The following TRIM3 variants were observed in gnomAD, a reference collection of about 807,000 sequenced individuals.
TRIM3 encodes the protein tripartite motif containing 3.
TRIM3 carries 13 observed loss-of-function variants against 66.6 expected under a neutral mutation model. The observed-to-expected ratio is 0.20, with a 90% CI of 0.13 to 0.31. The LOEUF (loss-of-function observed/expected upper bound fraction) is 0.31, where lower values mean the gene tolerates loss of function less well. Among genes scored for constraint, TRIM3 ranks in the 10% least tolerant of loss-of-function variants. The pLI, the probability that TRIM3 is intolerant of heterozygous loss-of-function variation, is 1.00. For synonymous variants in TRIM3, 406 were observed against 411.7 expected, an observed-to-expected ratio of 0.99 and a Z score of 0.17; for missense variants, 711 against 1,020.4, an observed-to-expected ratio of 0.70 and a Z score of 4.13.
Position 6,458,314 on chromosome 11 carries a change from T to C in TRIM3, c.132-18A>G. Reference sequence around the variant, plus strand: ...GGAGACATCTGTCCAGGAAGGAGAGTCAAAGAACAGAGTGGGTGGGGTGGC... The same window carrying C: ...GGAGACATCTGTCCAGGAAGGAGAGCCAAAGAACAGAGTGGGTGGGGTGGC... On this transcript the variant is annotated intron_variant, in intron 2 of 11. Transcript: ENST00000345851. This position sits in a 1 kb window ranked among gnomAD's most constrained non-coding sequence, Gnocchi z 6.2. 1 of 1,599,484 alleles carries C rather than the reference T, an allele frequency of 6.3e-7. No individual in the cohort carries two copies. Among genetic ancestry groups the C allele is most frequent in the African/African-American group, 1.3e-5 (1 of 74,682 alleles).
In TRIM3 at chr11:6,456,271, C is replaced by G. The variant is rs755797035; in HGVS notation, c.1429+26G>C. The G allele has an allele frequency of 4.0e-5, 64 of 1,584,222 alleles. No homozygotes were observed. The highest frequency in any genetic ancestry group is 5.2e-5 in the Non-Finnish European group (60 of 1,162,394). ...CACCCACTACCTGAGCCTGGCCCATCTGGCTCTGCCCTCGGCTGTCTGTAC... is the reference window on the plus strand; with the variant it reads ...CACCCACTACCTGAGCCTGGCCCATGTGGCTCTGCCCTCGGCTGTCTGTAC... On this transcript the variant is annotated intron_variant, in intron 6 of 11. Transcript: ENST00000345851. This position sits in a 1 kb window ranked among gnomAD's most constrained non-coding sequence, Gnocchi z 6.4.
intron 2 of TRIM3, among the ~76,000 whole-genome samples, chr11:6,464,724 C>T (rs555339946): frequency 7.9e-5 from 12 of 152,200 alleles, no homozygotes; most frequent in South Asian, 6.2e-4. Context: ...CGGTAGCTCA[C>T]GCCTGTAATC....
rs375500679 is a variant in TRIM3, at chr11:6,449,189, G to C, written c.2083-9C>G. The C allele has an allele frequency of 3.5e-5, 57 of 1,613,776 alleles. No homozygotes were observed. In the African/African-American group the frequency reaches 6.7e-4, roughly 19 times the overall value. On this transcript the variant is annotated splice_polypyrimidine_tract_variant and intron_variant, in intron 11 of 11. Transcript: ENST00000345851. This position sits in a 1 kb window ranked among gnomAD's most constrained non-coding sequence, Gnocchi z 5.3. ...CCAGAGCTGTCGAATACCTGGGGAA[G>C]GAGTGCAGAAAGGAGGGAGAGGCAA... is the stretch of plus-strand genomic sequence containing the variant.
Position 6,450,919 on chromosome 11 carries a change from G to A in TRIM3, c.1843C>T (p.Arg615Cys), listed in dbSNP as rs542445243. Residue 615 changes from arginine (R) to cysteine (C), a missense_variant, in exon 9 of 12, where the codon CGT (arginine) becomes TGT (cysteine). Physicochemically the swap from Arg to Cys is radical, Grantham distance 180. This residue lies in a region of TRIM3 where 163 missense variants were observed against 321.9 expected (regional missense o/e 0.51). Transcript: ENST00000345851. This position sits in a 1 kb window ranked among gnomAD's most constrained non-coding sequence, Gnocchi z 4.8. ...GCAAAGTGGCGGTCAGTGGCCCCAC[G>A]GCCCCCAAAACGGCCAACCAGTTTG... ...NGKLVGRFGGRGATDRHFAGP... is the reference protein window; with the variant it reads ...NGKLVGRFGGCGATDRHFAGP... 18 of 1,614,136 alleles carry A rather than the reference G, an allele frequency of 1.1e-5. No homozygotes were observed. Among genetic ancestry groups the A allele is most frequent in the East Asian group, 2.2e-5 (1 of 44,876 alleles).
Position 6,457,416 on chromosome 11 carries a change from C to G in TRIM3, c.576G>C (p.Glu192Asp). Reference protein sequence around the residue: ...LVGGISQQLQERKAEALAQIS... With the variant: ...LVGGISQQLQDRKAEALAQIS... ...TCTGGGCCAGGGCCTCTGCCTTGCGCTCCTGCAGCTGCTGGCTGATGCCCC... is the reference window on the plus strand; with the variant it reads ...TCTGGGCCAGGGCCTCTGCCTTGCGGTCCTGCAGCTGCTGGCTGATGCCCC... The change falls in exon 5 of 12, where the codon GAG becomes GAC. Residue 192 changes from glutamate (E) to aspartate (D), a missense_variant. By Grantham distance (45) the Glu-to-Asp change is conservative. Around this residue, in one of 3 missense-constraint regions of TRIM3, gnomAD observed 399 missense variants for 458.1 expected, o/e 0.87. Coordinates refer to ENST00000345851, the MANE Select transcript of TRIM3 (RefSeq NM_033278.4). This position sits in a 1 kb window ranked among gnomAD's most constrained non-coding sequence, Gnocchi z 4.5. The G allele has an allele frequency of 6.2e-7, 1 of 1,613,684 alleles. No homozygotes were observed. Among genetic ancestry groups the G allele is most frequent in the South Asian group, 1.1e-5 (1 of 91,062 alleles).
At position 6,449,227 on chromosome 11, in the gene TRIM3, G is replaced by A; in HGVS notation, c.2083-47C>T. The A allele has an allele frequency of 1.2e-6, 2 of 1,610,656 alleles. No homozygotes were observed. The highest frequency in any genetic ancestry group is 8.5e-7 in the Non-Finnish European group (1 of 1,177,008). On this transcript the variant is annotated intron_variant, in intron 11 of 11. Coordinates refer to ENST00000345851, the MANE Select transcript of TRIM3 (RefSeq NM_033278.4). The surrounding 1 kb of genome is among the most constrained non-coding windows in gnomAD (Gnocchi z 5.3). ...GAGGGAGAGGCAAGATCAGGCAGAT[G>A]AGAGTCTGTTTTGGGGGAACGGGCA...
Position 6,457,538 on chromosome 11 carries a change from C to T in TRIM3, c.516-62G>A. 6.3e-7 allele frequency: 1 copy of T among 1,582,970 alleles called. No homozygotes were observed. Among genetic ancestry groups the T allele is most frequent in the Non-Finnish European group, 8.6e-7 (1 of 1,163,100 alleles). On this transcript the variant is annotated intron_variant, in intron 4 of 11. Coordinates refer to ENST00000345851, the MANE Select transcript of TRIM3 (RefSeq NM_033278.4). This position sits in a 1 kb window ranked among gnomAD's most constrained non-coding sequence, Gnocchi z 4.5. ...GTGGCTTTGCCGAACTTTCCCTTCT[C>T]CCTGGGGAACCTACTGCTGCCCTCA...
chr11:6,465,848 G>C, intron 1 of TRIM3, 116 bp from the exon 2 acceptor site: 1 of 855,766 alleles, frequency 1.2e-6, no homozygotes, highest in East Asian at 2.7e-5. Flanking sequence ...CTAGGGGCAA[G>C]ACAGGGCAGT....
chr11:6,464,597 T>C (rs868519416), intron 2 of TRIM3, among the ~76,000 whole-genome samples: 1 of 152,364 alleles, frequency 6.6e-6, no homozygotes, highest in Admixed American at 6.5e-5. Context: ...TTGTAAGTGA[T>C]GGATACCTTA....
intron 7 of TRIM3, among the ~76,000 whole-genome samples, chr11:6,454,572 AGGTGTAACTG>A (rs1159383397): frequency 1.3e-5 from 2 of 152,114 alleles, no homozygotes; most frequent in Non-Finnish European, 1.5e-5. Flanking sequence ...AGGAGCTGGA[AGGTGTAACTG>A]AGTAGGGAAC....
chr11:6,474,450 T>A (rs1428404543), upstream of TRIM3: 1 of 152,250 alleles, frequency 6.6e-6, no homozygotes, highest in Non-Finnish European at 1.5e-5. Flanking sequence ...CCCAGAACTC[T>A]GGGAGAAGGA....
Position 6,450,882 on chromosome 11 carries a change from C to G in TRIM3, c.1870+10G>C. The G allele has an allele frequency of 1.2e-6, 2 of 1,613,970 alleles. No individual in the cohort carries two copies. The highest frequency in any genetic ancestry group is 1.7e-5 in the Admixed American group (1 of 60,014). On this transcript the variant is annotated intron_variant, in intron 9 of 11. Transcript: ENST00000345851. The surrounding 1 kb of genome is among the most constrained non-coding windows in gnomAD (Gnocchi z 4.8). ...GTATCAGCATAGATCTTGGAGCTGT[C>G]CCCCTATACCTGCAAAGTGGCGGTC...
In TRIM3 at chr11:6,457,206, T is replaced by C; in HGVS notation, c.696+90A>G. The C allele has an allele frequency of 6.5e-7, 1 of 1,547,850 alleles. No individual in the cohort carries two copies. ...GAGGCAGAATATCTAGGCTGGGGAA[T>C]GGGGAGCTGGTGTGGAAGACAGAGG... On this transcript the variant is annotated intron_variant, in intron 5 of 11. Transcript: ENST00000345851. This position sits in a 1 kb window ranked among gnomAD's most constrained non-coding sequence, Gnocchi z 4.5.
At chr11:6,452,610 A>C (rs548814484) in intron 7 of TRIM3, 1 of 151,376 alleles carries the variant, frequency 6.6e-6, no homozygotes, top group African/African-American at 2.4e-5. Flanking sequence ...TGGACCTTCT[A>C]CTAAGCTCTT....
At position 6,457,674 on chromosome 11, in the gene TRIM3, C is replaced by G. The variant is rs1011968014; in HGVS notation, c.515+22G>C. 2 of 1,605,420 alleles carry G rather than the reference C, an allele frequency of 1.2e-6. No homozygotes were observed. The highest frequency in any genetic ancestry group is 1.7e-6 in the Non-Finnish European group (2 of 1,174,152). The stretch of plus-strand genomic sequence containing the variant: ...CACCATCCCTGTGGCCCCACCAGCC[C>G]AGGACCCTGCCCAGTGCCTACCGGC... On this transcript the variant is annotated intron_variant, in intron 4 of 11. Coordinates refer to ENST00000345851, the MANE Select transcript of TRIM3 (RefSeq NM_033278.4). This position sits in a 1 kb window ranked among gnomAD's most constrained non-coding sequence, Gnocchi z 4.5.
At chr11:6,474,220 G>A (rs1850843728), upstream of TRIM3, 1 of 152,222 alleles carries the variant, frequency 6.6e-6, no homozygotes, top group Admixed American at 6.5e-5. Context: ...GGGCGGTGTA[G>A]TCGGTCTCAG....
At chr11:6,454,955 A>T (rs779688912) in intron 7 of TRIM3, among the ~76,000 whole-genome samples, 2 of 152,192 alleles carry the variant, frequency 1.3e-5, no homozygotes, top group Non-Finnish European at 2.9e-5. Context: ...AGTAAAGTGC[A>T]TGGTAGTTAG....
chr11:6,471,131 C>A (rs1850672320), intron 1 of TRIM3, among the ~76,000 whole-genome samples: 1 of 152,202 alleles, frequency 6.6e-6, no homozygotes, highest in Non-Finnish European at 1.5e-5. Context: ...CAAGGCTTTT[C>A]AGTTTCTCCA....
rs1443088812 is a variant in TRIM3, at chr11:6,450,384, C to T, written c.1941+167G>A. 4.7e-6 allele frequency: 3 copies of T among 634,006 alleles called. No individual in the cohort carries two copies. Among genetic ancestry groups the T allele is most frequent in the East Asian group, 2.7e-5 (1 of 36,496 alleles). 39.3% of individuals were successfully genotyped at this position (634,006 alleles called of 1,614,324 possible). ...GCTTTGTGCATCACTGTATCTCCAG[C>T]TTCTAGCATACTGCCTGGGACAAAG... On this transcript the variant is annotated intron_variant, in intron 10 of 11. Transcript: ENST00000345851. The surrounding 1 kb of genome is among the most constrained non-coding windows in gnomAD (Gnocchi z 4.8).
Sources: gnomAD v4.1 joint callset for allele counts (sites outside exome capture counted in the v4.1 genomes callset) on GRCh38, gnomAD v4.1.1 for gene constraint, gnomAD v4.1.1 regional missense constraint, Gnocchi (gnomAD v3.1) non-coding constraint, MANE v1.5 for transcripts, NCBI Gene and HGNC (gene_info 2026-07-23, HGNC 2026-07-21) for gene names.